Variants in CFAP299 observed in about 807,000 individuals in gnomAD.
CFAP299 encodes cilia- and flagella-associated protein 299.
CFAP299 carries 21 observed loss-of-function variants against 27.0 expected under a neutral mutation model. The ratio of observed to expected loss-of-function variants is 0.78; its 90% CI spans 0.55 to 1.12. The LOEUF (loss-of-function observed/expected upper bound fraction) is 1.12, where lower values mean the gene tolerates loss of function less well. Among genes scored for constraint, CFAP299 ranks in the 50% most tolerant of loss-of-function variants. CFAP299 has a pLI of 0.00. For synonymous variants in CFAP299, 104 were observed against 98.1 expected (o/e 1.06, Z -0.36); for missense variants, 310 against 276.6 (o/e 1.12, Z -0.86).
chr4:80,463,832 G>A lies in CFAP299; in HGVS notation c.242+100948G>A, dbSNP rs17004904. On this transcript the variant is annotated intron_variant, in intron 2 of 5. Transcript: ENST00000358105. ...TAACATTATACTAGACAGAGGGGAA[G>A]TTCACTGAAGTCATGTTTTCCTATA... is the stretch of plus-strand genomic sequence containing the variant. 3.9e-5 allele frequency among the ~76,000 whole-genome samples: 6 copies of A among 152,110 alleles called. No homozygotes were observed. In the East Asian group the frequency reaches 1.2e-3, roughly 29 times the overall value.
Position 80,662,735 on chromosome 4 carries a change from T to C in CFAP299, c.333+79552T>C, listed in dbSNP as rs151082985. 2.5e-4 allele frequency among the ~76,000 whole-genome samples: 38 copies of C among 152,112 alleles called. No homozygotes were observed. The East Asian group carries it at 7.2e-3, about 29-fold the overall frequency. ...ATAAAAGGCAATGGTCAGTAGCAAA[T>C]AGAATGTAAGTGTGAAAGAATGGGT... is the stretch of plus-strand genomic sequence containing the variant. On this transcript the variant is annotated intron_variant, in intron 3 of 5. Transcript: ENST00000358105.
At chr4:80,669,145 CTTTCTTTTTTTTT>C (rs1363132472) in intron 3 of CFAP299, among the ~76,000 whole-genome samples, 212 of 16,422 alleles carry the variant, frequency 0.013, 2 homozygotes, top group African/African-American at 0.034. Flanking sequence ...TTCTTTCTTT[CTTTCTTTTTTTTT>C]TTTTTTTTTT....
upstream of CFAP299, chr4:80,335,717 A>T: frequency 9.2e-7 from 1 of 1,082,888 alleles, no homozygotes; most frequent in Non-Finnish European, 1.4e-6. Flanking sequence ...GAGCCTCCTG[A>T]CCCTGCCCTC....
chr4:80,750,835 A>G (rs1170578857), intron 3 of CFAP299, among the ~76,000 whole-genome samples: 3 of 152,198 alleles, frequency 2.0e-5, no homozygotes, highest in Non-Finnish European at 4.4e-5. Flanking sequence ...GGAGTTGTGA[A>G]CTTTTTGTCA....
chr4:80,763,387 C>G (rs1184970801), intron 3 of CFAP299, among the ~76,000 whole-genome samples: 1 of 152,126 alleles, frequency 6.6e-6, no homozygotes, highest in African/African-American at 2.4e-5. Context: ...CCTAGAAACA[C>G]AACTTAAAAG....
At chr4:80,518,775 T>C (rs946546972) in intron 2 of CFAP299, among the ~76,000 whole-genome samples, 4 of 152,120 alleles carry the variant, frequency 2.6e-5, no homozygotes, top group Non-Finnish European at 5.9e-5. Context: ...AATGGGAGTA[T>C]GGGGCCCTCA....
chr4:80,683,340 T>G (rs1342483379), intron 3 of CFAP299, among the ~76,000 whole-genome samples: 2 of 152,228 alleles, frequency 1.3e-5, no homozygotes, highest in East Asian at 3.8e-4. Context: ...TAACAAAATC[T>G]AGTGCCAGAT....
rs942066162 is a variant in CFAP299, at chr4:80,591,130, T to A, written c.333+7947T>A. On this transcript the variant is annotated intron_variant, in intron 3 of 5. Coordinates refer to ENST00000358105, the MANE Select transcript of CFAP299 (RefSeq NM_152770.3). ...ATTTTTTTTTTTTTTTTTTTTTTTT[T>A]TATTTTTTTTTGAGACGGAGTCTCG... 6.1e-4 allele frequency among the ~76,000 whole-genome samples: 84 copies of A among 137,918 alleles called. No homozygotes were observed. The South Asian group carries it at 0.013, about 22-fold the overall frequency. The allele number at this position is 137,918 out of a possible 152,430, so 90.5% of individuals were successfully genotyped here.
chr4:80,598,614 TA>T (rs1333319468), intron 3 of CFAP299, among the ~76,000 whole-genome samples: 1 of 152,204 alleles, frequency 6.6e-6, no homozygotes, highest in Admixed American at 6.5e-5. Context: ...TCCAAAATGT[TA>T]GCTCTTTCTC....
intron 3 of CFAP299, among the ~76,000 whole-genome samples, chr4:80,635,180 T>C (rs186581640): frequency 3.3e-5 from 5 of 152,236 alleles, no homozygotes; most frequent in African/African-American, 1.2e-4. Context: ...TTTAGTGCAG[T>C]TTACAGAAAA....
rs1560749318 is a variant in CFAP299 at position 80,782,700 on chromosome 4, CATATATAAT to C, written c.334-87289_334-87281del. On this transcript the variant is annotated intron_variant, in intron 3 of 5. Coordinates refer to ENST00000358105, the MANE Select transcript of CFAP299 (RefSeq NM_152770.3). ...TACATATATGAATATATAATATATT[CATATATAAT>C]ATACATATATGAATATATAATATAT... Among the ~76,000 whole-genome samples the C allele has an allele frequency of 1.7e-3, 198 of 113,646 alleles. 1 individual carries two copies. Among genetic ancestry groups the C allele is most frequent in the African/African-American group, 5.8e-3 (189 of 32,602 alleles). The allele number at this position is 113,646 out of a possible 152,430, so 74.6% of individuals were successfully genotyped here.
chr4:80,908,578 A>G (rs953206230), intron 4 of CFAP299, among the ~76,000 whole-genome samples: 2 of 152,208 alleles, frequency 1.3e-5, no homozygotes, highest in African/African-American at 2.4e-5. Context: ...GCCCGTACAC[A>G]TTAGTGTCAC....
chr4:80,729,833 G>T (rs1056737739), intron 3 of CFAP299, among the ~76,000 whole-genome samples: 3 of 151,946 alleles, frequency 2.0e-5, no homozygotes, highest in African/African-American at 7.2e-5. Context: ...TCGATCTCCT[G>T]ACCTCGTGAT....
chr4:80,853,859 A>G (rs1347344888), intron 3 of CFAP299, among the ~76,000 whole-genome samples: 1 of 152,222 alleles, frequency 6.6e-6, no homozygotes, highest in Non-Finnish European at 1.5e-5. Flanking sequence ...ACAGGATATT[A>G]AAAGAAGTTG....
At chr4:80,871,331 C>A in intron 4 of CFAP299, 1 of 985,248 alleles carries the variant, frequency 1.0e-6, no homozygotes, top group Non-Finnish European at 1.2e-6. Context: ...ATCTGACCTA[C>A]TAACATTCCA....
chr4:80,451,581 A>G (rs941006160), intron 2 of CFAP299, among the ~76,000 whole-genome samples: 2 of 152,330 alleles, frequency 1.3e-5, no homozygotes, highest in Admixed American at 1.3e-4. Context: ...ACAGTATGGT[A>G]TTATCTACTG....
intron 4 of CFAP299, among the ~76,000 whole-genome samples, chr4:80,874,715 C>T (rs1364696969): frequency 6.6e-6 from 1 of 152,140 alleles, no homozygotes; most frequent in African/African-American, 2.4e-5. Flanking sequence ...CCACTTAATA[C>T]ACCAGTTTTA....
chr4:80,669,186 A>T, intron 3 of CFAP299, among the ~76,000 whole-genome samples: 2 of 45,340 alleles, frequency 4.4e-5, no homozygotes, highest in East Asian at 7.3e-4. Flanking sequence ...TTTGAGACTA[A>T]GTCTTACTCT....
At chr4:80,384,558 A>G (rs1413699177) in intron 2 of CFAP299, among the ~76,000 whole-genome samples, 1 of 152,180 alleles carries the variant, frequency 6.6e-6, no homozygotes, top group Non-Finnish European at 1.5e-5. Flanking sequence ...CTAGAAAGAC[A>G]TAGGCTTGCT....
Sources: allele counts gnomAD v4.1 joint callset (sites outside exome capture counted in the v4.1 genomes callset), GRCh38; gene constraint gnomAD v4.1.1; transcripts MANE v1.5; gene names NCBI Gene and HGNC (gene_info 2026-07-23, HGNC 2026-07-21).